Variants in DEFB121 observed in about 807,000 individuals in gnomAD.
DEFB121 encodes the protein defensin beta 121.
In DEFB121, 5 loss-of-function variants were observed where a neutral mutation model predicts 2.5. The observed-to-expected ratio is 1.96, with a 90% CI of 1.03 to 4.13. DEFB121 has a LOEUF of 4.13. Ranked by LOEUF, DEFB121 falls within the 30% of genes most tolerant of loss-of-function variation. DEFB121 has a pLI of 0.00. For synonymous variants in DEFB121, 39 were observed against 32.6 expected (o/e 1.20, Z -0.67); for missense variants, 87 against 85.0 (o/e 1.02, Z -0.09).
At chr20:31,408,012 C>T (rs957122410), upstream of DEFB121, among the ~76,000 whole-genome samples, 36 of 152,324 alleles carry the variant, frequency 2.4e-4, no homozygotes, top group Admixed American at 1.4e-3. Flanking sequence ...CTCCTGACCT[C>T]AGGTGATCCA....
chr20:31,418,268 A>AAAAAAAC, the DEFB121 span, among the ~76,000 whole-genome samples: 28 of 89,596 alleles, frequency 3.1e-4, no homozygotes, highest in South Asian at 1.2e-3. Context: ...TCAAAAAAAA[A>AAAAAAAC]AAAAAAAAAA....
chr20:31,412,609 T>G, intron 1 of DEFB121: 1 of 1,290,884 alleles, frequency 7.7e-7, no homozygotes. Context: ...TGTTATTTAC[T>G]ATGAATCCTC....
rs1374412579 is a variant in DEFB121, at chr20:31,406,202, A to AGACAGAGG, written c.-58_-51dup. 1 of 1,611,734 alleles carries AGACAGAGG rather than the reference A, an allele frequency of 6.2e-7. No homozygotes were observed. Among genetic ancestry groups the AGACAGAGG allele is most frequent in the Non-Finnish European group, 8.5e-7 (1 of 1,178,812 alleles). ...TAGGAGGCTTCTCAACTGGTAAAAC[A>AGACAGAGG]GACAGAGGACTCCATTCTGGGCAGT... On this transcript the variant is annotated 5_prime_UTR_variant, in exon 1 of 2. Coordinates refer to ENST00000376314, the MANE Select transcript of DEFB121 (RefSeq NM_001011878.3).
chr20:31,414,500 GCAGAATACTAGT>G (rs1175820242), upstream of DEFB121, among the ~76,000 whole-genome samples: 2 of 152,334 alleles, frequency 1.3e-5, no homozygotes, highest in East Asian at 3.9e-4. Flanking sequence ...TATACACACA[GCAGAATACTAGT>G]CAGCCTTTAA....
At chr20:31,410,991 T>C (rs1320164402), upstream of DEFB121, among the ~76,000 whole-genome samples, 1 of 152,224 alleles carries the variant, frequency 6.6e-6, no homozygotes, top group East Asian at 1.9e-4. Flanking sequence ...TTCCCTTCTT[T>C]AAAGAACTCC....
chr20:31,411,228 C>T (rs947527182), intron 1 of DEFB121, among the ~76,000 whole-genome samples: 5 of 152,198 alleles, frequency 3.3e-5, no homozygotes, highest in African/African-American at 1.2e-4. Context: ...CACAGCTGAA[C>T]TATATACATC....
chr20:31,406,086 C>T lies in DEFB121; in HGVS notation c.58+9G>A, dbSNP rs764857461. The T allele has an allele frequency of 6.2e-6, 10 of 1,614,020 alleles. No homozygotes were observed. The Admixed American group carries it at 1.0e-4, about 16-fold the overall frequency. On this transcript the variant is annotated intron_variant, in intron 1 of 1. Transcript: ENST00000376314. ...CTGACTCCCATCCCCTTCTGGAGAT[C>T]CTGTTTACCTGGGGTGACCTGGGCC...
rs1978469376 is a variant in DEFB121, at chr20:31,406,105, C to T, written c.48G>A (p.Gln16=). The change falls in exon 1 of 2, where the codon CAG becomes CAA. Residue 16 remains glutamine, a synonymous_variant. Transcript: ENST00000376314. The part of the protein sequence containing the change: ...LLLTVTLLLA[Q]VTPVMKCWGK... ...GGAGATCCTGTTTACCTGGGGTGACCTGGGCCAGGAGCAGAGTAACAGTCA... is the reference window on the plus strand; with the variant it reads ...GGAGATCCTGTTTACCTGGGGTGACTTGGGCCAGGAGCAGAGTAACAGTCA... The T allele has an allele frequency of 9.3e-6, 15 of 1,614,094 alleles. No individual in the cohort carries two copies. Among genetic ancestry groups the T allele is most frequent in the Non-Finnish European group, 1.3e-5 (15 of 1,179,988 alleles).
At chr20:31,410,497 A>G (rs1978628909), upstream of DEFB121, among the ~76,000 whole-genome samples, 8 of 152,188 alleles carry the variant, frequency 5.3e-5, no homozygotes, top group South Asian at 1.7e-3. Flanking sequence ...GGAGTTGATT[A>G]TGGGGATAAA....
upstream of DEFB121, among the ~76,000 whole-genome samples, chr20:31,413,768 G>C (rs1463544123): frequency 6.6e-6 from 1 of 152,156 alleles, no homozygotes; most frequent in African/African-American, 2.4e-5. Flanking sequence ...TCCTACAATG[G>C]GCTTAGAATG....
At chr20:31,410,856 A>AGAGAGAGAGAGAGAGAGAGAGAG (rs1568740216), upstream of DEFB121, among the ~76,000 whole-genome samples, 4 of 122,234 alleles carry the variant, frequency 3.3e-5, no homozygotes, top group African/African-American at 1.4e-4. Flanking sequence ...GAGAGAGAGA[A>AGAGAGAGAGAGAGAGAGAGAGAG]AGAGAGCAAC....
chr20:31,407,125 C>T (rs1978507534), upstream of DEFB121, among the ~76,000 whole-genome samples: 1 of 152,126 alleles, frequency 6.6e-6, no homozygotes, highest in Non-Finnish European at 1.5e-5. Flanking sequence ...TGGCTGGCCA[C>T]TGTAGTCCCA....
chr20:31,414,229 GGAAA>G (rs1978743000), upstream of DEFB121, among the ~76,000 whole-genome samples: 1 of 146,712 alleles, frequency 6.8e-6, no homozygotes, highest in African/African-American at 2.5e-5. Flanking sequence ...AAAGAAAGAA[GGAAA>G]GAGAGAAAGG....
upstream of DEFB121, among the ~76,000 whole-genome samples, chr20:31,408,146 A>G (rs1371618090): frequency 1.3e-5 from 2 of 152,150 alleles, no homozygotes; most frequent in Non-Finnish European, 2.9e-5. Context: ...TCTTTCTAAC[A>G]TGGAAGAAAA....
In DEFB121 at chr20:31,405,927, C is replaced by A. The variant is rs935365619; in HGVS notation, c.58+168G>T. On this transcript the variant is annotated intron_variant, in intron 1 of 1. Transcript: ENST00000376314. Reference sequence around the variant, plus strand: ...GTCAAGTACTGGGCACTGGGAAGACCATTTGGTACCAGAGAACTCAAACTT... The same window carrying A: ...GTCAAGTACTGGGCACTGGGAAGACAATTTGGTACCAGAGAACTCAAACTT... Among the ~76,000 whole-genome samples the A allele has an allele frequency of 6.6e-5, 10 of 152,098 alleles. 1 individual carries two copies. The South Asian group carries it at 1.2e-3, about 19-fold the overall frequency.
At chr20:31,414,977 G>C (rs1017415687), upstream of DEFB121, among the ~76,000 whole-genome samples, 6 of 152,264 alleles carry the variant, frequency 3.9e-5, no homozygotes, top group East Asian at 1.2e-3. Flanking sequence ...AGATGGGAGA[G>C]GATCTCTTGA....
upstream of DEFB121, among the ~76,000 whole-genome samples, chr20:31,414,552 C>A (rs901166275): frequency 6.6e-6 from 1 of 152,120 alleles, no homozygotes; most frequent in Admixed American, 6.5e-5. Context: ...CATGTGATGA[C>A]GTGAATGAGC....
chr20:31,406,531 C>A (rs561902644), upstream of DEFB121, among the ~76,000 whole-genome samples: 6 of 152,162 alleles, frequency 3.9e-5, no homozygotes, highest in Admixed American at 1.3e-4. Flanking sequence ...TACTTCTCTG[C>A]GCCTTGGGTT....
intron 1 of DEFB121, among the ~76,000 whole-genome samples, chr20:31,411,540 A>G (rs372425864): frequency 6.6e-6 from 1 of 151,706 alleles, no homozygotes; most frequent in East Asian, 1.9e-4. Context: ...AAAAAAGAAA[A>G]GTAAAAAAGA....
Sources: allele counts gnomAD v4.1 joint callset (sites outside exome capture counted in the v4.1 genomes callset), GRCh38; gene constraint gnomAD v4.1.1; transcripts MANE v1.5; gene names NCBI Gene and HGNC (gene_info 2026-07-23, HGNC 2026-07-21).